Variants in XIRP2 observed in about 807,000 individuals in gnomAD.
XIRP2 encodes xin actin binding repeat containing 2, also known as xin actin-binding repeat-containing protein 2.
XIRP2 carries 236 observed loss-of-function variants against 277.0 expected under a neutral mutation model. The ratio of observed to expected loss-of-function variants is 0.85; its 90% CI spans 0.77 to 0.95. The LOEUF (loss-of-function observed/expected upper bound fraction) is 0.95. XIRP2 is among the 40% of genes least tolerant of loss of function. XIRP2 has a pLI of 0.00. For missense variants in XIRP2, 4,640 were observed against 4,157.5 expected (o/e 1.12, Z -3.19); for synonymous variants, 1,490 against 1,416.5 (o/e 1.05, Z -1.17).
At chr2:167,086,142 T>G (rs1689934866) in intron 2 of XIRP2, among the ~76,000 whole-genome samples, 1 of 152,148 alleles carries the variant, frequency 6.6e-6, no homozygotes, top group African/African-American at 2.4e-5. Context: ...GGCCTGGTGG[T>G]GACAAAATCT....
chr2:166,899,854 T>C (rs1441282188), intron 1 of XIRP2, among the ~76,000 whole-genome samples: 4 of 152,114 alleles, frequency 2.6e-5, no homozygotes, highest in Admixed American at 2.6e-4. Flanking sequence ...TGGTGAATTT[T>C]GCAGCACAGT....
At chr2:167,001,443 T>C (rs1398402088) in intron 2 of XIRP2, among the ~76,000 whole-genome samples, 1 of 152,162 alleles carries the variant, frequency 6.6e-6, no homozygotes, top group Admixed American at 6.6e-5. Flanking sequence ...TAATAAACAA[T>C]AGTTTCAAAA....
chr2:167,025,614 A>G (rs1205020727), intron 2 of XIRP2, among the ~76,000 whole-genome samples: 2 of 151,932 alleles, frequency 1.3e-5, no homozygotes, highest in South Asian at 4.2e-4. Context: ...TTTCCTCTAC[A>G]CACTGCTTTG....
At chr2:167,119,652 T>C (rs1690997066) in intron 2 of XIRP2, among the ~76,000 whole-genome samples, 1 of 152,174 alleles carries the variant, frequency 6.6e-6, no homozygotes, top group African/African-American at 2.4e-5. Flanking sequence ...CCAATGTTTG[T>C]TAAATAAACA....
chr2:167,127,057 T>C (rs922087548), intron 2 of XIRP2, among the ~76,000 whole-genome samples: 4 of 152,194 alleles, frequency 2.6e-5, no homozygotes, highest in African/African-American at 9.6e-5. Context: ...CTCTCTTCTA[T>C]AGGAATGGTT....
At chr2:167,013,454 G>A (rs1687737186) in intron 2 of XIRP2, among the ~76,000 whole-genome samples, 1 of 151,376 alleles carries the variant, frequency 6.6e-6, no homozygotes, top group East Asian at 1.9e-4. Flanking sequence ...TTAGTTCTGG[G>A]AGAAGCTGAG....
intron 2 of XIRP2, among the ~76,000 whole-genome samples, chr2:167,024,020 G>C (rs938829684): frequency 6.6e-6 from 1 of 152,024 alleles, no homozygotes; most frequent in Admixed American, 6.6e-5. Context: ...GATGGGGATG[G>C]CATTGAATCT....
At chr2:167,082,918 C>A (rs969321007) in intron 2 of XIRP2, among the ~76,000 whole-genome samples, 7 of 152,096 alleles carry the variant, frequency 4.6e-5, no homozygotes, top group Non-Finnish European at 1.0e-4. Flanking sequence ...ATGGTAGTTT[C>A]TTTTGCTGTG....
intron 2 of XIRP2, among the ~76,000 whole-genome samples, chr2:167,082,725 G>C (rs1689776343): frequency 6.6e-6 from 1 of 152,082 alleles, no homozygotes; most frequent in South Asian, 2.1e-4. Flanking sequence ...GTGTTTTTTG[G>C]CTGCATAAAT....
At chr2:167,003,983 A>T (rs1292310051) in intron 2 of XIRP2, among the ~76,000 whole-genome samples, 1 of 151,962 alleles carries the variant, frequency 6.6e-6, no homozygotes, top group Admixed American at 6.6e-5. Flanking sequence ...TAAATTATCG[A>T]GTTAAAATAT....
rs1483368626 is a variant in XIRP2 at position 167,259,124 on chromosome 2, G to T, written c.*1307G>T. On this transcript the variant is annotated 3_prime_UTR_variant, in exon 11 of 11. Transcript: ENST00000409195. ...GAACATTTTCAATTGTGATTTAATA[G>T]ATTCTGTAGATCAAATTAAAAATAT... 6.2e-7 allele frequency: 1 copy of T among 1,612,012 alleles called. No homozygotes were observed. Among genetic ancestry groups the T allele is most frequent in the Non-Finnish European group, 8.5e-7 (1 of 1,178,796 alleles).
At chr2:167,201,238 GAAA>G (rs1693694688) in intron 3 of XIRP2, among the ~76,000 whole-genome samples, 1 of 99,144 alleles carries the variant, frequency 1.0e-5, no homozygotes, top group African/African-American at 6.7e-5. Context: ...AAGAAAGAAA[GAAA>G]GAAAGAAAGA....
intron 3 of XIRP2, among the ~76,000 whole-genome samples, chr2:167,189,044 A>C (rs576360004): frequency 7.2e-5 from 11 of 152,320 alleles, no homozygotes; most frequent in Admixed American, 3.3e-4. Context: ...TTCATTGATA[A>C]TGTACTGTTG....
At chr2:167,252,679 C>T (rs1695549955) in intron 9 of XIRP2, among the ~76,000 whole-genome samples, 1 of 151,876 alleles carries the variant, frequency 6.6e-6, no homozygotes, top group African/African-American at 2.4e-5. Flanking sequence ...TGATTTTTAA[C>T]ATCAAAGAAC....
chr2:166,997,760 C>T (rs1421274468), intron 2 of XIRP2, among the ~76,000 whole-genome samples: 1 of 151,922 alleles, frequency 6.6e-6, no homozygotes, highest in African/African-American at 2.4e-5. Flanking sequence ...CAACAATTAG[C>T]CAAGCATGGT....
In XIRP2 at chr2:167,031,342, T is replaced by C. The variant is rs944686096; in HGVS notation, c.409-104567T>C. On this transcript the variant is annotated intron_variant, in intron 2 of 10. Coordinates refer to ENST00000409195, the MANE Select transcript of XIRP2 (RefSeq NM_152381.6). ...GCAGTGGTGGGATACCGGTTTTTCC[T>C]TTCCATATTTAGTGCTTCCTTCAGG... Among the ~76,000 whole-genome samples, 7 of 152,220 alleles carry C rather than the reference T, an allele frequency of 4.6e-5. No individual in the cohort carries two copies. In the South Asian group the frequency reaches 1.4e-3, roughly 32 times the overall value.
intron 3 of XIRP2, among the ~76,000 whole-genome samples, chr2:167,156,594 T>A (rs567857697): frequency 6.6e-6 from 1 of 152,304 alleles, no homozygotes; most frequent in South Asian, 2.1e-4. Flanking sequence ...CAGTGCCTAG[T>A]AGATATTCAA....
At chr2:167,132,273 C>T (rs1400735869) in intron 2 of XIRP2, among the ~76,000 whole-genome samples, 1 of 152,116 alleles carries the variant, frequency 6.6e-6, no homozygotes, top group Non-Finnish European at 1.5e-5. Flanking sequence ...TGAGATTTTG[C>T]AATGTGCGAA....
intron 2 of XIRP2, among the ~76,000 whole-genome samples, chr2:166,946,476 G>A (rs1260016984): frequency 6.6e-6 from 1 of 152,050 alleles, no homozygotes; most frequent in Non-Finnish European, 1.5e-5. Context: ...GCCCTGGATG[G>A]CTCTTATTCT....
Sources: allele counts gnomAD v4.1 joint callset (sites outside exome capture counted in the v4.1 genomes callset), GRCh38; gene constraint gnomAD v4.1.1; transcripts MANE v1.5; gene names NCBI Gene and HGNC (gene_info 2026-07-23, HGNC 2026-07-21).